DOCK10: variants seen among roughly 807,000 people sequenced by gnomAD.
The protein encoded by DOCK10 is dedicator of cytokinesis protein 10.
In DOCK10, 145 loss-of-function variants were observed where a neutral mutation model predicts 280.1. That is an observed-to-expected ratio of 0.52 (90% CI 0.45 to 0.59). DOCK10 has a LOEUF of 0.59. Ranked by LOEUF, DOCK10 falls within the 20% of genes least tolerant of loss-of-function variation. The pLI is 0.00. For missense variants in DOCK10, 2,368 were observed against 2,651.7 expected (o/e 0.89, Z 2.35); for synonymous variants, 915 against 942.2 (o/e 0.97, Z 0.53).
intron 1 of DOCK10, among the ~76,000 whole-genome samples, chr2:225,014,650 G>A (rs1436843966): frequency 6.6e-6 from 1 of 151,958 alleles, no homozygotes; most frequent in African/African-American, 2.4e-5. Context: ...TCTTCTGCAA[G>A]TTTAGAAGCT....
intron 1 of DOCK10, among the ~76,000 whole-genome samples, chr2:224,984,764 T>C (rs1239282504): frequency 1.3e-5 from 2 of 151,844 alleles, no homozygotes; most frequent in Non-Finnish European, 2.9e-5. Flanking sequence ...CAAATTAAGC[T>C]AGAGATTGGG....
chr2:225,016,584 C>T (rs1013457573), intron 1 of DOCK10, among the ~76,000 whole-genome samples: 33 of 132,188 alleles, frequency 2.5e-4, no homozygotes, highest in African/African-American at 8.6e-4. Context: ...CACATAGATA[C>T]ATATATCTAT....
At chr2:224,792,254 A>G (rs572306740) in intron 47 of DOCK10, among the ~76,000 whole-genome samples, 7 of 152,292 alleles carry the variant, frequency 4.6e-5, no homozygotes, top group African/African-American at 1.7e-4. Flanking sequence ...TCCTACATAT[A>G]TAGAATATAT....
rs1690382576 is a variant in DOCK10 at position 224,770,733 on chromosome 2, G to T, written c.6205-88C>A. 2 of 933,142 alleles carry T rather than the reference G, an allele frequency of 2.1e-6. No individual in the cohort carries two copies. Among genetic ancestry groups the T allele is most frequent in the Admixed American group, 1.9e-5 (1 of 52,678 alleles). The allele number at this position is 933,142 out of a possible 1,614,324, so 57.8% of individuals were successfully genotyped here. On this transcript the variant is annotated intron_variant, in intron 53 of 55. Transcript: ENST00000258390. The surrounding 1 kb of genome is among the most constrained non-coding windows in gnomAD (Gnocchi z 4.5). ...GAAGAGGAGCAACTGTGCACCAATG[G>T]TGTGGTACCCCCATCTCACACCCTG... is the stretch of plus-strand genomic sequence containing the variant.
chr2:224,935,071 G>A (rs1319547839), intron 1 of DOCK10, among the ~76,000 whole-genome samples: 4 of 152,122 alleles, frequency 2.6e-5, no homozygotes, highest in Non-Finnish European at 5.9e-5. Flanking sequence ...GCAGAAGAAT[G>A]GGCTCCTGTC....
chr2:224,772,379 C>A lies in DOCK10; in HGVS notation c.6204+778G>T, dbSNP rs968666866. 4.6e-5 allele frequency among the ~76,000 whole-genome samples: 7 copies of A among 152,084 alleles called. 1 individual carries two copies. In the South Asian group the frequency reaches 1.5e-3, roughly 32 times the overall value. On this transcript the variant is annotated intron_variant, in intron 53 of 55. Transcript: ENST00000258390. ...CTTATTCCTGAGTTGCTTGGAGCTC[C>A]CTTTAATTTTGTGCCCAAGGTGAGT...
intron 1 of DOCK10, among the ~76,000 whole-genome samples, chr2:224,975,253 C>T (rs558050602): frequency 6.6e-6 from 1 of 152,246 alleles, no homozygotes; most frequent in South Asian, 2.1e-4. Context: ...AGAAGCCATT[C>T]AATTCATTTG....
At chr2:224,926,890 A>AGCT (rs1449516117) in intron 2 of DOCK10, among the ~76,000 whole-genome samples, 3 of 152,250 alleles carry the variant, frequency 2.0e-5, no homozygotes, top group African/African-American at 7.2e-5. Flanking sequence ...GTTCTGCTTT[A>AGCT]GCTGCTGAAA....
Position 225,042,402 on chromosome 2 carries a change from C to G in DOCK10, c.-28G>C. ...CCGGTCACGCCAATCGCGCCGCGGG[C>G]CCGGGGCGCGCCTCCCGCCGGTCTT... On this transcript the variant is annotated 5_prime_UTR_variant, in exon 1 of 56. Coordinates refer to ENST00000258390, the MANE Select transcript of DOCK10 (RefSeq NM_014689.3). This position sits in a 1 kb window ranked among gnomAD's most constrained non-coding sequence, Gnocchi z 5.1. 1.6e-6 allele frequency: 2 copies of G among 1,232,660 alleles called. No homozygotes were observed. Among genetic ancestry groups the G allele is most frequent in the Middle Eastern group, 2.3e-4 (1 of 4,334 alleles). 76.4% of individuals were successfully genotyped at this position (1,232,660 alleles called of 1,614,324 possible). A position where few individuals can be genotyped will look rare whatever the true frequency, so the allele number is the denominator to read the frequency against.
At chr2:224,803,109 T>C (rs891903008) in intron 39 of DOCK10, among the ~76,000 whole-genome samples, 3 of 152,112 alleles carry the variant, frequency 2.0e-5, no homozygotes, top group East Asian at 3.9e-4. Context: ...CCCTGGTTTC[T>C]AGGAGGCGAG....
chr2:224,837,646 C>T, intron 25 of DOCK10, 116 bp downstream of exon 25: 1 of 771,442 alleles, frequency 1.3e-6, no homozygotes, highest in Non-Finnish European at 2.2e-6. Context: ...CCTGATATTA[C>T]TGTGGTGGGC....
chr2:224,818,546 C>T (rs764969484), intron 29 of DOCK10, among the ~76,000 whole-genome samples: 1 of 152,030 alleles, frequency 6.6e-6, no homozygotes, highest in African/African-American at 2.4e-5. Context: ...TACAGGTGCC[C>T]GCAACCACGC....
At chr2:224,854,164 A>G (rs1696947597) in intron 16 of DOCK10, among the ~76,000 whole-genome samples, 2 of 152,256 alleles carry the variant, frequency 1.3e-5, no homozygotes, top group African/African-American at 4.8e-5. Context: ...GGCAATCCAA[A>G]TATCCCATGG....
intron 1 of DOCK10, among the ~76,000 whole-genome samples, chr2:225,023,444 T>C (rs1689835762): frequency 6.6e-6 from 1 of 152,156 alleles, no homozygotes; most frequent in African/African-American, 2.4e-5. Flanking sequence ...AAGTGGCCAA[T>C]AAACATATAA....
At chr2:224,984,293 C>T (rs958614879) in intron 1 of DOCK10, among the ~76,000 whole-genome samples, 1 of 152,190 alleles carries the variant, frequency 6.6e-6, no homozygotes, top group Non-Finnish European at 1.5e-5. Flanking sequence ...TTGGCAGGCA[C>T]GATGCACTTC....
rs757596830 is a variant in DOCK10 at position 224,796,396 on chromosome 2, C to A, written c.4858G>T (p.Asp1620Tyr). 9 of 1,568,342 alleles carry A rather than the reference C, an allele frequency of 5.7e-6. No individual in the cohort carries two copies. The Admixed American group carries it at 9.4e-5, about 16-fold the overall frequency. The change falls in exon 44 of 56, where the codon GAT becomes TAT. Residue 1620 changes from aspartate (D) to tyrosine (Y), a missense_variant. Transcript: ENST00000258390. ...LIKAVSQLIADAGIGGSRFQH... is the reference protein window; with the variant it reads ...LIKAVSQLIAYAGIGGSRFQH... ...AACCGAGAGCCTCCAATCCCAGCAT[C>A]GGCTATTAACTGGCTCACAGCTTTG...
chr2:224,951,810 G>A (rs2126124435), intron 1 of DOCK10, among the ~76,000 whole-genome samples: 1 of 152,272 alleles, frequency 6.6e-6, no homozygotes, highest in Non-Finnish European at 1.5e-5. Flanking sequence ...GCACATGCAA[G>A]GTTGTTGGCA....
At chr2:224,888,448 A>G (rs1382934980) in intron 4 of DOCK10, among the ~76,000 whole-genome samples, 1 of 151,654 alleles carries the variant, frequency 6.6e-6, no homozygotes, top group African/African-American at 2.4e-5. Flanking sequence ...ATGTGTGTGA[A>G]TATACATGCA....
chr2:224,925,280 G>C (rs556537784), intron 2 of DOCK10, among the ~76,000 whole-genome samples: 1 of 152,138 alleles, frequency 6.6e-6, no homozygotes, highest in East Asian at 1.9e-4. Context: ...CCTTGTGGTT[G>C]AGTCTAGAAG....
Sources: gnomAD v4.1 joint callset for allele counts (sites outside exome capture counted in the v4.1 genomes callset) on GRCh38, gnomAD v4.1.1 for gene constraint, Gnocchi (gnomAD v3.1) non-coding constraint, MANE v1.5 for transcripts, NCBI Gene and HGNC (gene_info 2026-07-23, HGNC 2026-07-21) for gene names.